Variants in ADGRL3 observed in about 807,000 individuals in gnomAD.
ADGRL3 encodes calcium-independent alpha-latrotoxin receptor 3.
Under a neutral mutation model 153.5 loss-of-function variants are expected in ADGRL3, and 62 were observed. The ratio of observed to expected loss-of-function variants is 0.40; its 90% CI spans 0.33 to 0.50. The LOEUF is 0.50. Ranked by LOEUF, ADGRL3 falls within the 20% of genes least tolerant of loss-of-function variation. The probability of loss-of-function intolerance (pLI) is 0.47; values close to 1 mark genes in which losing one functional copy is unlikely to be tolerated. For missense variants in ADGRL3, 1,641 were observed against 1,859.4 expected (o/e 0.88, Z 2.16); for synonymous variants, 710 against 672.5 (o/e 1.06, Z -0.86).
intron 2 of ADGRL3, among the ~76,000 whole-genome samples, chr4:61,389,109 T>C (rs1198093087): frequency 6.6e-6 from 1 of 152,246 alleles, no homozygotes; most frequent in Non-Finnish European, 1.5e-5. Flanking sequence ...ATTAGAAAGA[T>C]AACTCTGGAA....
intron 9 of ADGRL3, among the ~76,000 whole-genome samples, chr4:61,827,117 A>G (rs1188099454): frequency 1.3e-5 from 2 of 152,178 alleles, no homozygotes; most frequent in South Asian, 2.1e-4. Flanking sequence ...TAAGAGCAGC[A>G]TCTCAAGGAA....
intron 9 of ADGRL3, among the ~76,000 whole-genome samples, chr4:61,839,702 G>A (rs537849921): frequency 1.3e-5 from 2 of 151,880 alleles, no homozygotes; most frequent in African/African-American, 2.4e-5. Context: ...GGTAGGCCAA[G>A]GTGGGTGGAT....
chr4:61,685,550 G>T (rs2095426875), intron 6 of ADGRL3, among the ~76,000 whole-genome samples: 1 of 152,092 alleles, frequency 6.6e-6, no homozygotes. Context: ...AACGAGATAG[G>T]CCAAGAGTCT....
At chr4:61,910,116 A>G (rs1234651680) in intron 12 of ADGRL3, among the ~76,000 whole-genome samples, 1 of 152,064 alleles carries the variant, frequency 6.6e-6, no homozygotes, top group Non-Finnish European at 1.5e-5. Flanking sequence ...TGTCTAGTCA[A>G]TAAGTAAAAC....
intron 1 of ADGRL3, among the ~76,000 whole-genome samples, chr4:61,249,983 A>C (rs1462861406): frequency 6.6e-6 from 1 of 152,136 alleles, no homozygotes; most frequent in Non-Finnish European, 1.5e-5. Context: ...TCTTATGATG[A>C]TCCACATTAA....
chr4:61,324,119 A>C (rs1411908809), intron 1 of ADGRL3, among the ~76,000 whole-genome samples: 1 of 152,118 alleles, frequency 6.6e-6, no homozygotes, highest in East Asian at 1.9e-4. Flanking sequence ...TTACTATAAC[A>C]AGAACACTGC....
At chr4:61,634,502 T>G (rs536321833) in intron 5 of ADGRL3, among the ~76,000 whole-genome samples, 3 of 152,190 alleles carry the variant, frequency 2.0e-5, no homozygotes, top group Non-Finnish European at 4.4e-5. Context: ...TTTAATGCAG[T>G]GTGTCTATTT....
intron 1 of ADGRL3, among the ~76,000 whole-genome samples, chr4:61,281,269 T>C (rs1380969290): frequency 6.6e-6 from 1 of 152,146 alleles, no homozygotes; most frequent in Non-Finnish European, 1.5e-5. Context: ...ATTATAATAT[T>C]CACATCCAGA....
chr4:61,492,413 G>C (rs2098268633), intron 2 of ADGRL3, among the ~76,000 whole-genome samples: 1 of 152,076 alleles, frequency 6.6e-6, no homozygotes, highest in Non-Finnish European at 1.5e-5. Flanking sequence ...ATGTTTGAGA[G>C]TAAATTGTCT....
chr4:61,869,233 C>G (rs1472680765), intron 9 of ADGRL3, among the ~76,000 whole-genome samples: 2 of 152,180 alleles, frequency 1.3e-5, no homozygotes, highest in Non-Finnish European at 2.9e-5. Flanking sequence ...TGTGAGCCAC[C>G]ATGCCCAGCC....
intron 17 of ADGRL3, among the ~76,000 whole-genome samples, chr4:61,948,886 G>T (rs1381012898): frequency 1.3e-5 from 2 of 152,110 alleles, no homozygotes; most frequent in African/African-American, 4.8e-5. Flanking sequence ...AGGGTTGTGA[G>T]ATGGAGTCTA....
intron 5 of ADGRL3, among the ~76,000 whole-genome samples, chr4:61,599,529 C>A (rs552544714): frequency 6.6e-6 from 1 of 152,164 alleles, no homozygotes; most frequent in East Asian, 1.9e-4. Flanking sequence ...GATGCGGTTT[C>A]GCCCTGTTGG....
intron 4 of ADGRL3, among the ~76,000 whole-genome samples, chr4:61,535,451 A>G (rs1398812130): frequency 6.6e-6 from 1 of 152,068 alleles, no homozygotes; most frequent in African/African-American, 2.4e-5. Context: ...CTGATTTCAT[A>G]GAATGTGTTA....
intron 1 of ADGRL3, among the ~76,000 whole-genome samples, chr4:61,258,603 TG>T (rs2092226208): frequency 6.6e-6 from 1 of 152,162 alleles, no homozygotes; most frequent in Non-Finnish European, 1.5e-5. Flanking sequence ...TCTCAGTCAG[TG>T]ATACTGAAAT....
intron 2 of ADGRL3, among the ~76,000 whole-genome samples, chr4:61,436,189 TAA>T (rs2097443315): frequency 6.6e-6 from 1 of 152,156 alleles, no homozygotes; most frequent in African/African-American, 2.4e-5. Flanking sequence ...TGTAAAACAT[TAA>T]GAGTCTCTTG....
chr4:61,205,994 A>G (rs1281212843), intron 1 of ADGRL3, among the ~76,000 whole-genome samples: 2 of 152,216 alleles, frequency 1.3e-5, no homozygotes, highest in Non-Finnish European at 2.9e-5. Flanking sequence ...ACATGTGCTT[A>G]TGGATTCATA....
rs1734447425 is a variant in ADGRL3, at chr4:61,200,883, C to T, written c.-1122C>T. Among the ~76,000 whole-genome samples, 1 of 151,882 alleles carries T rather than the reference C, an allele frequency of 6.6e-6. No individual in the cohort carries two copies. Among genetic ancestry groups the T allele is most frequent in the African/African-American group, 2.4e-5 (1 of 41,378 alleles). On this transcript the variant is annotated 5_prime_UTR_variant, in exon 1 of 27. In the 5' UTR this introduces an upstream ATG that the reference lacks. Transcript: ENST00000683033. ...GCCGGCGAGCTAATCATCCACCCCA[C>T]GGGCTCGGGGTTCGCCGGCCCCCGG...
intron 4 of ADGRL3, among the ~76,000 whole-genome samples, chr4:61,537,617 A>C (rs1225996066): frequency 6.6e-6 from 1 of 152,082 alleles, no homozygotes; most frequent in Non-Finnish European, 1.5e-5. Flanking sequence ...ACAGGGCTCC[A>C]ATGTCTGAAA....
intron 21 of ADGRL3, among the ~76,000 whole-genome samples, chr4:62,005,967 T>TACACACACACACAC (rs59783179): frequency 1.4e-3 from 95 of 67,710 alleles, no homozygotes; most frequent in African/African-American, 2.3e-3. Flanking sequence ...TATATACACA[T>TACACACACACACAC]ACACACACAC....
Sources: gnomAD v4.1 joint callset for allele counts (sites outside exome capture counted in the v4.1 genomes callset) on GRCh38, gnomAD v4.1.1 for gene constraint, MANE v1.5 for transcripts, NCBI Gene and HGNC (gene_info 2026-07-23, HGNC 2026-07-21) for gene names.